Variants in WDFY3 observed in about 807,000 individuals in gnomAD.
The protein encoded by WDFY3 is WD repeat and FYVE domain containing 3, also known as WD repeat and FYVE domain-containing protein 3.
A neutral mutation model predicts 409.6 loss-of-function variants in WDFY3; 66 were observed. That is an observed-to-expected ratio of 0.16 (90% CI 0.13 to 0.20). The LOEUF (loss-of-function observed/expected upper bound fraction) is 0.20. Among genes scored for constraint, WDFY3 ranks in the 10% least tolerant of loss-of-function variants. The pLI, the probability that WDFY3 is intolerant of heterozygous loss-of-function variation, is 1.00. For synonymous variants in WDFY3, 1,521 were observed against 1,537.1 expected, an observed-to-expected ratio of 0.99 and a Z score of 0.25; for missense variants, 3,031 against 4,298.1, an observed-to-expected ratio of 0.71 and a Z score of 8.24.
intron 2 of WDFY3, among the ~76,000 whole-genome samples, chr4:84,931,303 T>C (rs1770735540): frequency 1.3e-5 from 2 of 152,218 alleles, no homozygotes; most frequent in African/African-American, 2.4e-5. Flanking sequence ...GCTTTTAAAT[T>C]ACCATGCCCT....
At position 84,740,143 on chromosome 4, in the gene WDFY3, T is replaced by C. The variant is rs190748554; in HGVS notation, c.6464+44A>G. 1.0e-3 allele frequency: 1,631 copies of C among 1,598,258 alleles called. 12 individuals carry two copies. Among genetic ancestry groups the C allele is most frequent in the Non-Finnish European group, 4.7e-4 (551 of 1,166,326 alleles). On this transcript the variant is annotated intron_variant, in intron 39 of 67. Transcript: ENST00000295888. ...AATAAAGAATTTTGTTGGAATAACA[T>C]CAAAGCCAAATTTAACATGGCAAAC...
At chr4:84,684,802 A>G (rs779429038) in intron 62 of WDFY3, among the ~76,000 whole-genome samples, 3 of 152,154 alleles carry the variant, frequency 2.0e-5, no homozygotes, top group Non-Finnish European at 4.4e-5. Context: ...AGAACAACCT[A>G]TTTTCTTAAA....
intron 5 of WDFY3, among the ~76,000 whole-genome samples, chr4:84,849,193 G>C (rs1578803541): frequency 6.6e-6 from 1 of 152,064 alleles, no homozygotes; most frequent in East Asian, 1.9e-4. Context: ...TGTGAATAGT[G>C]ATGTTAAAAT....
intron 32 of WDFY3, among the ~76,000 whole-genome samples, chr4:84,765,416 C>T (rs1032811189): frequency 1.4e-4 from 21 of 152,106 alleles, no homozygotes; most frequent in Admixed American, 1.4e-3. Flanking sequence ...TTGCACCTCA[C>T]AGAGTTATTG....
intron 6 of WDFY3, among the ~76,000 whole-genome samples, chr4:84,838,668 ACCATTT>A (rs1756922998): frequency 1.3e-5 from 2 of 152,062 alleles, no homozygotes; most frequent in Admixed American, 1.3e-4. Context: ...TACCCAACAT[ACCATTT>A]CTTGTCTCAA....
chr4:84,790,269 G>C (rs1748287579), intron 21 of WDFY3, among the ~76,000 whole-genome samples: 2 of 152,046 alleles, frequency 1.3e-5, no homozygotes, highest in Non-Finnish European at 2.9e-5. Context: ...AGAAATGCTT[G>C]AACCTGGGAG....
chr4:84,921,710 T>G (rs1165839997), intron 2 of WDFY3, among the ~76,000 whole-genome samples: 5 of 135,070 alleles, frequency 3.7e-5, no homozygotes, highest in African/African-American at 1.4e-4. Context: ...CAGGCTGGAG[T>G]GCTGTGACAC....
chr4:84,706,640 G>T (rs1731996831), intron 53 of WDFY3, among the ~76,000 whole-genome samples: 1 of 152,036 alleles, frequency 6.6e-6, no homozygotes, highest in African/African-American at 2.4e-5. Context: ...GAACAGAAGG[G>T]TCCCCATCAC....
chr4:84,670,008 CCAAAA>C lies in WDFY3; in HGVS notation c.*2855_*2859del, dbSNP rs1387375888. 6.6e-6 allele frequency: 1 copy of C among 152,492 alleles called. No individual in the cohort carries two copies. Among genetic ancestry groups the C allele is most frequent in the Non-Finnish European group, 1.5e-5 (1 of 68,026 alleles). 9.4% of individuals were successfully genotyped at this position (152,492 alleles called of 1,614,324 possible). On this transcript the variant is annotated 3_prime_UTR_variant, in exon 68 of 68. Transcript: ENST00000295888. ...AAATATTTTATACACAGTTCATTTA[CCAAAA>C]CAAAATGTATTTAAATGATACAAAG... is the stretch of plus-strand genomic sequence containing the variant.
At position 84,721,409 on chromosome 4, in the gene WDFY3, C is replaced by CT. The variant is rs1734838529; in HGVS notation, c.7604dup (p.Ile2536AspfsTer17). 1 of 1,613,182 alleles carries CT rather than the reference C, an allele frequency of 6.2e-7. No homozygotes were observed. Among genetic ancestry groups the CT allele is most frequent in the Non-Finnish European group, 8.5e-7 (1 of 1,179,922 alleles). On this transcript the variant is annotated frameshift_variant and splice_region_variant, in exon 47 of 68. Coordinates refer to ENST00000295888, the MANE Select transcript of WDFY3 (RefSeq NM_014991.6). LOFTEE classifies it high-confidence loss of function. ...TCCTTACTTTTCAGAAGCACAATAC[C>CT]TTTTCTCCTTCCTCTAACAGGCGCA... is the stretch of plus-strand genomic sequence containing the variant.
intron 41 of WDFY3, among the ~76,000 whole-genome samples, chr4:84,736,641 T>C (rs750060234): frequency 3.9e-5 from 6 of 152,200 alleles, no homozygotes; most frequent in Non-Finnish European, 8.8e-5. Flanking sequence ...GTGTTGGGTA[T>C]ACTTCGCAAC....
chr4:84,721,540 A>T lies in WDFY3; in HGVS notation c.7474T>A (p.Ser2492Thr). Residue 2492 changes from serine to threonine, a missense_variant, in exon 47 of 68, where the codon TCT (serine) becomes ACT (threonine). By Grantham distance (58) the Ser-to-Thr change is moderately conservative (BLOSUM62 1). This residue lies in a region of WDFY3 where 127 missense variants were observed against 144.4 expected (regional missense o/e 0.88). Coordinates refer to ENST00000295888, the MANE Select transcript of WDFY3 (RefSeq NM_014991.6). ...LVKPPLKRSRSAPDGGDEENQ... is the reference protein window; with the variant it reads ...LVKPPLKRSRTAPDGGDEENQ... ...TCCTCATCTCCTCCATCAGGTGCAG[A>T]TCGGGAGCGTTTTAGAGGAGGCTTG... 1 of 1,609,526 alleles carries T rather than the reference A, an allele frequency of 6.2e-7. No individual in the cohort carries two copies.
intron 2 of WDFY3, among the ~76,000 whole-genome samples, chr4:84,921,734 T>G (rs1769314345): frequency 7.5e-6 from 1 of 132,900 alleles, no homozygotes. Flanking sequence ...CCCAGCTCAC[T>G]GCAACCTCCA....
chr4:84,680,644 A>G (rs867013758), intron 64 of WDFY3, among the ~76,000 whole-genome samples: 1 of 152,222 alleles, frequency 6.6e-6, no homozygotes, highest in Middle Eastern at 3.2e-3. Context: ...CATGGATTCA[A>G]TTAATCTCAG....
chr4:84,905,358 A>G (rs1039434080), intron 2 of WDFY3, among the ~76,000 whole-genome samples: 16 of 152,172 alleles, frequency 1.1e-4, no homozygotes, highest in African/African-American at 3.9e-4. Context: ...ATAAATAAAT[A>G]AATTCTTGAC....
chr4:84,844,526 G>A (rs1238730069), intron 5 of WDFY3: 4 of 1,289,322 alleles, frequency 3.1e-6, no homozygotes, highest in Middle Eastern at 4.2e-4. Context: ...AAAAAAAAAG[G>A]CTGGGTTGTC....
intron 1 of WDFY3, among the ~76,000 whole-genome samples, chr4:84,949,080 T>C (rs1166573221): frequency 6.6e-6 from 1 of 152,166 alleles, no homozygotes; most frequent in Admixed American, 6.5e-5. Context: ...TAGATTGACC[T>C]TAACATGCAG....
intron 30 of WDFY3, among the ~76,000 whole-genome samples, chr4:84,767,568 A>G (rs978632057): frequency 1.3e-5 from 2 of 152,154 alleles, no homozygotes; most frequent in African/African-American, 4.8e-5. Context: ...TTGTGAATAC[A>G]AAGAAAAAAT....
chr4:84,742,572 A>G (rs1738631986), intron 37 of WDFY3, among the ~76,000 whole-genome samples: 1 of 152,134 alleles, frequency 6.6e-6, no homozygotes, highest in Admixed American at 6.5e-5. Context: ...AGGCCATGGA[A>G]CGGACCACAC....
Sources: allele counts gnomAD v4.1 joint callset (sites outside exome capture counted in the v4.1 genomes callset), GRCh38; gene constraint gnomAD v4.1.1; regional missense constraint gnomAD v4.1.1; transcripts MANE v1.5; gene names NCBI Gene and HGNC (gene_info 2026-07-23, HGNC 2026-07-21).